TMEM19: variants seen among roughly 807,000 people sequenced by gnomAD.
The protein encoded by TMEM19 is transmembrane protein 19.
A neutral mutation model predicts 33.6 loss-of-function variants in TMEM19; 21 were observed. The ratio of observed to expected loss-of-function variants is 0.62; its 90% CI spans 0.44 to 0.90. The LOEUF is 0.90. TMEM19 is among the 40% of genes least tolerant of loss of function. The pLI is 0.00. For synonymous variants in TMEM19, 149 were observed against 147.5 expected, an observed-to-expected ratio of 1.01 and a Z score of -0.07; for missense variants, 402 against 401.8, an observed-to-expected ratio of 1.00 and a Z score of 0.00.
chr12:71,690,072 A>G (rs1207832120), intron 2 of TMEM19, among the ~76,000 whole-genome samples: 1 of 152,238 alleles, frequency 6.6e-6, no homozygotes, highest in Non-Finnish European at 1.5e-5. Flanking sequence ...TGCTGTTAGT[A>G]ATCTCAAAAC....
Position 71,701,735 on chromosome 12 carries a change from CTTCAA to C in TMEM19, c.*743_*747del, listed in dbSNP as rs918405729. 1 of 152,100 alleles carries C rather than the reference CTTCAA, an allele frequency of 6.6e-6. No homozygotes were observed. The highest frequency in any genetic ancestry group is 2.4e-5 in the African/African-American group (1 of 41,432). 9.4% of individuals were successfully genotyped at this position (152,100 alleles called of 1,614,324 possible). ...CAGTTGCTCTCTGAACAAAAATTAT[CTTCAA>C]TTTAATATGTGGAATGTGTTTTCTA... is the stretch of plus-strand genomic sequence containing the variant. On this transcript the variant is annotated 3_prime_UTR_variant, in exon 6 of 6. Transcript: ENST00000266673.
intron 2 of TMEM19, among the ~76,000 whole-genome samples, chr12:71,693,675 C>T (rs1022337555): frequency 1.8e-4 from 28 of 151,584 alleles, no homozygotes; most frequent in Admixed American, 9.8e-4. Flanking sequence ...GACCATGTCT[C>T]CACACAAATC....
intron 5 of TMEM19, among the ~76,000 whole-genome samples, chr12:71,700,550 A>C (rs1376873047): frequency 6.6e-6 from 1 of 152,164 alleles, no homozygotes; most frequent in Non-Finnish European, 1.5e-5. Flanking sequence ...AGAGGTATTG[A>C]CAGAAAATTA....
intron 2 of TMEM19, among the ~76,000 whole-genome samples, chr12:71,690,857 C>T (rs1387608349): frequency 6.6e-6 from 1 of 152,078 alleles, no homozygotes; most frequent in Non-Finnish European, 1.5e-5. Flanking sequence ...GCTCATTTGA[C>T]TAGAAAATAG....
intron 2 of TMEM19, among the ~76,000 whole-genome samples, chr12:71,695,402 CA>C (rs1305167170): frequency 6.6e-6 from 1 of 152,060 alleles, no homozygotes; most frequent in East Asian, 1.9e-4. Context: ...AAATTGTTAA[CA>C]GTGAATATTC....
chr12:71,693,499 C>G (rs1881820508), intron 2 of TMEM19, among the ~76,000 whole-genome samples: 1 of 152,032 alleles, frequency 6.6e-6, no homozygotes, highest in South Asian at 2.1e-4. Context: ...TTGTACTTGT[C>G]CTGTCTATAA....
chr12:71,689,497 G>C, intron 1 of TMEM19, 94 bp from the exon 2 acceptor site: 1 of 870,554 alleles, frequency 1.1e-6, no homozygotes, highest in Non-Finnish European at 2.0e-6. Flanking sequence ...ACTTATGACA[G>C]TATTTTAGTC....
At chr12:71,695,954 G>T (rs925135655) in intron 2 of TMEM19, among the ~76,000 whole-genome samples, 5 of 152,148 alleles carry the variant, frequency 3.3e-5, no homozygotes, top group African/African-American at 1.2e-4. Flanking sequence ...ATCTCTGGAA[G>T]GGTCAATGAG....
In TMEM19 at chr12:71,702,251, C is replaced by T. The variant is rs1390563373; in HGVS notation, c.*1256C>T. The T allele has an allele frequency of 6.6e-6, 1 of 152,148 alleles. No homozygotes were observed. Among genetic ancestry groups the T allele is most frequent in the Non-Finnish European group, 1.5e-5 (1 of 68,036 alleles). 9.4% of individuals were successfully genotyped at this position (152,148 alleles called of 1,614,324 possible). ...CCCTTAACCTTTAAGCCAGTTAGAT[C>T]AGGGGGTTGCAACAATTGGGTTAAA... On this transcript the variant is annotated 3_prime_UTR_variant, in exon 6 of 6. Coordinates refer to ENST00000266673, the MANE Select transcript of TMEM19 (RefSeq NM_018279.4).
intron 1 of TMEM19, among the ~76,000 whole-genome samples, chr12:71,689,270 G>C (rs1325656998): frequency 1.3e-5 from 2 of 152,128 alleles, no homozygotes; most frequent in African/African-American, 4.8e-5. Flanking sequence ...GTAGTATTCA[G>C]TACAGTAACA....
intron 2 of TMEM19, among the ~76,000 whole-genome samples, chr12:71,695,346 T>C (rs1007697277): frequency 3.3e-5 from 5 of 152,140 alleles, no homozygotes; most frequent in African/African-American, 1.2e-4. Context: ...TCAGTGTAGG[T>C]TGTGTAGGGC....
chr12:71,688,143 G>A (rs79514852), intron 1 of TMEM19, among the ~76,000 whole-genome samples: 2,383 of 152,292 alleles, frequency 0.016, 70 homozygotes, highest in African/African-American at 0.055. Context: ...ATCTGTGTAC[G>A]TTTTTGTGTA....
chr12:71,694,726 C>T (rs1278988676), intron 2 of TMEM19, among the ~76,000 whole-genome samples: 1 of 152,210 alleles, frequency 6.6e-6, no homozygotes, highest in Non-Finnish European at 1.5e-5. Flanking sequence ...AGTCTGCCAA[C>T]CTCTGGTTCT....
At chr12:71,700,750 T>TA (rs367801163) in intron 5 of TMEM19, 82 bp from the exon 6 acceptor site, 74,627 of 1,067,178 alleles carry the variant, frequency 0.07, 364 homozygotes, top group African/African-American at 0.15. Flanking sequence ...TAAAGTATAA[T>TA]AAAAAAAAAA....
At chr12:71,696,663 T>A in intron 3 of TMEM19, 90 bp downstream of exon 3, 1 of 1,258,224 alleles carries the variant, frequency 7.9e-7, no homozygotes, top group African/African-American at 1.5e-5. Flanking sequence ...GTTTTTTTTT[T>A]TGAGACGGAG....
At chr12:71,694,268 G>T (rs1319806117) in intron 2 of TMEM19, among the ~76,000 whole-genome samples, 1 of 152,184 alleles carries the variant, frequency 6.6e-6, no homozygotes, top group Non-Finnish European at 1.5e-5. Context: ...GTCACATGAG[G>T]GGGATTTGTG....
chr12:71,699,823 C>T (rs1459298133), intron 5 of TMEM19: 2 of 152,342 alleles, frequency 1.3e-5, no homozygotes, highest in Non-Finnish European at 2.9e-5. Context: ...GCACTATAGC[C>T]TGGGCAACAG....
At position 71,703,231 on chromosome 12, in the gene TMEM19, A is replaced by AAAAAAT. The variant is rs1882015807; in HGVS notation, c.*2236_*2237insAAAAAT. On this transcript the variant is annotated 3_prime_UTR_variant, in exon 6 of 6. Transcript: ENST00000266673. ...AAAAAAAAAAAAAAAAAAAAAGAAT[A>AAAAAAT]TTCTAAGCACTAGAACTACATAAGA... 6.9e-6 allele frequency: 1 copy of AAAAAAT among 144,560 alleles called. No homozygotes were observed. The highest frequency in any genetic ancestry group is 1.5e-5 in the Non-Finnish European group (1 of 65,760). 9.0% of individuals were successfully genotyped at this position (144,560 alleles called of 1,614,324 possible). A position where few individuals can be genotyped will look rare whatever the true frequency, so the allele number is the denominator to read the frequency against.
chr12:71,696,391 T>C (rs1339698600), intron 2 of TMEM19, 45 bp from the exon 3 acceptor site: 1 of 1,442,882 alleles, frequency 6.9e-7, no homozygotes, highest in Admixed American at 2.1e-5. Flanking sequence ...ACAGCATTGA[T>C]GTATGAATTG....
Sources: gnomAD v4.1 joint callset for allele counts (sites outside exome capture counted in the v4.1 genomes callset) on GRCh38, gnomAD v4.1.1 for gene constraint, MANE v1.5 for transcripts, NCBI Gene and HGNC (gene_info 2026-07-23, HGNC 2026-07-21) for gene names.